Variants in CMIP observed in about 807,000 individuals in gnomAD.
CMIP encodes the protein c-Maf inducing protein, also known as C-Maf-inducing protein.
A neutral mutation model predicts 97.3 loss-of-function variants in CMIP; 13 were observed. The ratio of observed to expected loss-of-function variants is 0.13; its 90% CI spans 0.09 to 0.21. The LOEUF (loss-of-function observed/expected upper bound fraction) is 0.21, where lower values mean the gene tolerates loss of function less well. Ranked by LOEUF, CMIP falls within the 10% of genes least tolerant of loss-of-function variation. CMIP has a pLI of 1.00. For missense variants in CMIP, 847 were observed against 1,024.9 expected, an observed-to-expected ratio of 0.83 and a Z score of 2.37; for synonymous variants, 538 against 436.3, an observed-to-expected ratio of 1.23 and a Z score of -2.91.
chr16:81,639,108 A>G lies in CMIP; in HGVS notation c.478-13095A>G, dbSNP rs114695275. 5.2e-3 allele frequency among the ~76,000 whole-genome samples: 793 copies of G among 152,284 alleles called. 9 individuals are homozygous for G. Among genetic ancestry groups the G allele is most frequent in the African/African-American group, 0.018 (768 of 41,564 alleles). On this transcript the variant is annotated intron_variant, in intron 3 of 20. Coordinates refer to ENST00000537098, the MANE Select transcript of CMIP (RefSeq NM_198390.3). The stretch of plus-strand genomic sequence containing the variant: ...AGCTCAGGACCAGGGGGTGACCCTG[A>G]GCCAGAATCCTGGTTCCTACAGGGC...
chr16:81,449,128 A>AG (rs780327163), intron 1 of CMIP, among the ~76,000 whole-genome samples: 3 of 152,274 alleles, frequency 2.0e-5, no homozygotes, highest in Admixed American at 6.5e-5. Flanking sequence ...AGTACAAATA[A>AG]GCTGCCTACC....
At chr16:81,707,624 C>T (rs1349723337) in intron 20 of CMIP, among the ~76,000 whole-genome samples, 1 of 152,156 alleles carries the variant, frequency 6.6e-6, no homozygotes, top group Non-Finnish European at 1.5e-5. Flanking sequence ...CTGAGGGCTG[C>T]GCTGCACCGG....
At position 81,663,113 on chromosome 16, in the gene CMIP, A is replaced by ATTT. The variant is rs1445661976; in HGVS notation, c.745-1154_745-1152dup. 2.9e-3 allele frequency among the ~76,000 whole-genome samples: 392 copies of ATTT among 137,286 alleles called. 3 individuals are homozygous for ATTT. Among genetic ancestry groups the ATTT allele is most frequent in the African/African-American group, 0.01 (371 of 36,424 alleles). The allele number at this position is 137,286 out of a possible 152,430, so 90.1% of individuals were successfully genotyped here. ...TTTTAACTCCAAAAAAAAAAAAAAA[A>ATTT]TTTTAAGGCTATGGCACTCGTAGGT... On this transcript the variant is annotated intron_variant, in intron 6 of 20. Coordinates refer to ENST00000537098, the MANE Select transcript of CMIP (RefSeq NM_198390.3).
At position 81,652,859 on chromosome 16, in the gene CMIP, C is replaced by T. The variant is rs1406349274; in HGVS notation, c.639+495C>T. On this transcript the variant is annotated intron_variant, in intron 4 of 20. Transcript: ENST00000537098. The surrounding 1 kb of genome is among the most constrained non-coding windows in gnomAD (Gnocchi z 5.2). ...GCAGCTGGTGCTACCTGATGCCACC[C>T]GTCGGCTGGGCCTCCTGTGCCATCT... is the stretch of plus-strand genomic sequence containing the variant. Among the ~76,000 whole-genome samples the T allele has an allele frequency of 1.3e-5, 2 of 152,160 alleles. No individual in the cohort carries two copies. Among genetic ancestry groups the T allele is most frequent in the African/African-American group, 4.8e-5 (2 of 41,434 alleles).
chr16:81,455,957 T>A (rs1437437797), intron 1 of CMIP, among the ~76,000 whole-genome samples: 2 of 152,240 alleles, frequency 1.3e-5, no homozygotes, highest in African/African-American at 4.8e-5. Context: ...AGTGGCACTC[T>A]GCCTCTTGTC....
At chr16:81,548,954 T>G (rs2090602335) in intron 1 of CMIP, among the ~76,000 whole-genome samples, 1 of 152,210 alleles carries the variant, frequency 6.6e-6, no homozygotes, top group Non-Finnish European at 1.5e-5. Context: ...AGCAACCCAT[T>G]TCACACACGA....
chr16:81,708,668 A>T (rs1270500119), intron 20 of CMIP, among the ~76,000 whole-genome samples: 3 of 152,162 alleles, frequency 2.0e-5, no homozygotes, highest in East Asian at 3.9e-4. Flanking sequence ...GCCACGCCCC[A>T]CTGTTCACTG....
chr16:81,598,743 G>T (rs754903874), intron 1 of CMIP, among the ~76,000 whole-genome samples: 5 of 152,160 alleles, frequency 3.3e-5, no homozygotes, highest in Non-Finnish European at 5.9e-5. Flanking sequence ...GATGCATGCG[G>T]ATCACCTGAG....
At chr16:81,615,759 G>A (rs2091909545) in intron 2 of CMIP, among the ~76,000 whole-genome samples, 1 of 152,076 alleles carries the variant, frequency 6.6e-6, no homozygotes, top group Non-Finnish European at 1.5e-5. Context: ...TGGTGTATGT[G>A]TCTTTGTGTG....
chr16:81,471,041 TGCACACAG>T (rs1409270508), intron 1 of CMIP, among the ~76,000 whole-genome samples: 1 of 151,962 alleles, frequency 6.6e-6, no homozygotes, highest in Non-Finnish European at 1.5e-5. Flanking sequence ...CATACACACA[TGCACACAG>T]GCACAATGCG....
chr16:81,531,898 A>G (rs549036081), intron 1 of CMIP, among the ~76,000 whole-genome samples: 28 of 152,368 alleles, frequency 1.8e-4, no homozygotes, highest in African/African-American at 6.3e-4. Flanking sequence ...ATTTGTATTT[A>G]GAAATGGCTC....
intron 1 of CMIP, among the ~76,000 whole-genome samples, chr16:81,539,936 T>A (rs2966111): frequency 0.25 from 37,948 of 152,178 alleles, 4,879 homozygotes; most frequent in East Asian, 0.42. Context: ...TGTGTACAAC[T>A]CTGCCCCCAG....
chr16:81,573,958 G>C (rs952386981), intron 1 of CMIP, among the ~76,000 whole-genome samples: 1 of 152,008 alleles, frequency 6.6e-6, no homozygotes, highest in Non-Finnish European at 1.5e-5. Flanking sequence ...ACTTTTGGGG[G>C]CGCCATTTAA....
At chr16:81,622,595 T>C (rs1239146157) in intron 3 of CMIP, among the ~76,000 whole-genome samples, 1 of 151,948 alleles carries the variant, frequency 6.6e-6, no homozygotes, top group Non-Finnish European at 1.5e-5. Context: ...TTCTCTTAGC[T>C]CAGGACACGG....
At chr16:81,693,011 G>A in intron 11 of CMIP, 147 bp from the exon 12 acceptor site, 3 of 659,154 alleles carry the variant, frequency 4.6e-6, no homozygotes, top group Middle Eastern at 3.6e-4. Context: ...TTTGAGTGGG[G>A]ACAAAATGTT....
chr16:81,696,604 G>T lies in CMIP; in HGVS notation c.1575G>T (p.Trp525Cys). ...LLSVRAGKDG[W>C]FQLYSPGGVA... ...GCGTGCGGGCCGGCAAAGATGGCTG[G>T]TTCCAGCTCTACAGCCCCGGAGGGG... Residue 525 changes from tryptophan (W) to cysteine (C), a missense_variant, in exon 14 of 21, where the codon TGG becomes TGT. Physicochemically the swap from Trp to Cys is radical, Grantham distance 215 (BLOSUM62 -2). Around this residue, in one of 4 missense-constraint regions of CMIP, gnomAD observed 266 missense variants for 384.2 expected, o/e 0.69. Coordinates refer to ENST00000537098, the MANE Select transcript of CMIP (RefSeq NM_198390.3). The T allele has an allele frequency of 6.2e-7, 1 of 1,607,052 alleles. No individual in the cohort carries two copies.
chr16:81,607,664 C>T lies in CMIP; in HGVS notation c.398C>T (p.Thr133Met), dbSNP rs188629594. 3.9e-5 allele frequency: 63 copies of T among 1,614,000 alleles called. No individual in the cohort carries two copies. The highest frequency in any genetic ancestry group is 6.7e-5 in the African/African-American group (5 of 75,074). ...GCCCCGAAGTACTGTTTACAGCTCA[C>T]GATTCCTGGGGGAACTGTCTTACTG... is the stretch of plus-strand genomic sequence containing the variant. ...ENAPKYCLQL[T>M]IPGGTVLLQA... The change falls in exon 2 of 21, where the codon ACG becomes ATG. Residue 133 changes from threonine to methionine, a missense_variant. Coordinates refer to ENST00000537098, the MANE Select transcript of CMIP (RefSeq NM_198390.3).
intron 1 of CMIP, among the ~76,000 whole-genome samples, chr16:81,507,011 G>T (rs1398131327): frequency 6.6e-6 from 1 of 152,108 alleles, no homozygotes; most frequent in Non-Finnish European, 1.5e-5. Flanking sequence ...CTAACACTTT[G>T]GGAGGCCGAG....
chr16:81,573,604 T>A (rs1397372409), intron 1 of CMIP, among the ~76,000 whole-genome samples: 1 of 152,052 alleles, frequency 6.6e-6, no homozygotes, highest in East Asian at 1.9e-4. Flanking sequence ...TGTTACTTGT[T>A]GAAAATCGCT....
Sources: allele counts gnomAD v4.1 joint callset (sites outside exome capture counted in the v4.1 genomes callset), GRCh38; gene constraint gnomAD v4.1.1; regional missense constraint gnomAD v4.1.1; non-coding constraint Gnocchi (gnomAD v3.1); transcripts MANE v1.5; gene names NCBI Gene and HGNC (gene_info 2026-07-23, HGNC 2026-07-21).